The following KIAA1217 variants were observed in gnomAD, a reference collection of about 807,000 sequenced individuals.
KIAA1217 encodes the protein KIAA1217.
Under a neutral mutation model 163.9 loss-of-function variants are expected in KIAA1217, and 88 were observed. The ratio of observed to expected loss-of-function variants is 0.54; its 90% CI spans 0.45 to 0.64. KIAA1217 has a LOEUF of 0.64. KIAA1217 is among the 30% of genes least tolerant of loss of function. The pLI is 0.00. For missense variants in KIAA1217, 2,372 were observed against 2,475.0 expected (o/e 0.96, Z 0.88); for synonymous variants, 903 against 923.1 (o/e 0.98, Z 0.39).
At chr10:24,466,988 A>G (rs2063021098) in intron 5 of KIAA1217, among the ~76,000 whole-genome samples, 2 of 152,152 alleles carry the variant, frequency 1.3e-5, no homozygotes, top group Non-Finnish European at 2.9e-5. Flanking sequence ...AATGCTCCAC[A>G]GACATGATTA....
intron 6 of KIAA1217, among the ~76,000 whole-genome samples, chr10:24,491,026 A>T (rs1418921553): frequency 6.6e-6 from 1 of 152,162 alleles, no homozygotes; most frequent in Non-Finnish European, 1.5e-5. Flanking sequence ...AGCCTTAAAG[A>T]AGAATAGGAT....
At chr10:23,882,457 T>C (rs548606012) in intron 1 of KIAA1217, among the ~76,000 whole-genome samples, 3 of 152,024 alleles carry the variant, frequency 2.0e-5, no homozygotes, top group Admixed American at 6.6e-5. Flanking sequence ...CTAATATGTG[T>C]ACAGAATGGT....
At chr10:24,318,551 A>T (rs559947630) in intron 2 of KIAA1217, among the ~76,000 whole-genome samples, 1 of 150,448 alleles carries the variant, frequency 6.6e-6, no homozygotes, top group Non-Finnish European at 1.5e-5. Context: ...TAAAATCATC[A>T]CTCTCTCTCT....
At chr10:24,008,562 C>A (rs1847108386) in intron 2 of KIAA1217, among the ~76,000 whole-genome samples, 1 of 152,096 alleles carries the variant, frequency 6.6e-6, no homozygotes. Context: ...GGATTTTGTG[C>A]AGCTAGAAAG....
chr10:23,737,365 A>T (rs1033725524), intron 1 of KIAA1217, among the ~76,000 whole-genome samples: 5 of 149,654 alleles, frequency 3.3e-5, no homozygotes, highest in African/African-American at 1.0e-4. Flanking sequence ...TGCCTAGCTA[A>T]TTTTTTTTTA....
intron 3 of KIAA1217, among the ~76,000 whole-genome samples, chr10:24,384,679 G>A (rs1241515652): frequency 2.0e-5 from 3 of 152,080 alleles, no homozygotes; most frequent in Non-Finnish European, 1.5e-5. Flanking sequence ...TGGGACGCAG[G>A]TGCCTGCCAC....
intron 1 of KIAA1217, among the ~76,000 whole-genome samples, chr10:23,763,574 C>T (rs1834370081): frequency 6.6e-6 from 1 of 152,174 alleles, no homozygotes; most frequent in Non-Finnish European, 1.5e-5. Flanking sequence ...GGTCCCCTTC[C>T]TTACACCTTA....
intron 1 of KIAA1217, among the ~76,000 whole-genome samples, chr10:24,004,252 C>T (rs1460963597): frequency 2.0e-5 from 3 of 152,144 alleles, no homozygotes; most frequent in Non-Finnish European, 4.4e-5. Flanking sequence ...GCTGGGATTA[C>T]AGGCATGAAC....
intron 1 of KIAA1217, among the ~76,000 whole-genome samples, chr10:23,996,855 G>C (rs771384926): frequency 6.6e-6 from 1 of 152,074 alleles, no homozygotes; most frequent in Admixed American, 6.5e-5. Context: ...CTTGTATTGC[G>C]GAAACTCCAA....
At chr10:24,409,917 C>T (rs575726414) in intron 3 of KIAA1217, among the ~76,000 whole-genome samples, 9 of 152,028 alleles carry the variant, frequency 5.9e-5, no homozygotes, top group Admixed American at 1.3e-4. Context: ...CTGCAAATGC[C>T]ATTAATTTCT....
At chr10:23,842,881 A>T (rs1838852166) in intron 1 of KIAA1217, among the ~76,000 whole-genome samples, 2 of 152,166 alleles carry the variant, frequency 1.3e-5, no homozygotes, top group African/African-American at 4.8e-5. Context: ...TCTAAGTTTG[A>T]ACACTGATAT....
intron 10 of KIAA1217, among the ~76,000 whole-genome samples, chr10:24,519,880 C>A (rs1193286924): frequency 6.6e-6 from 1 of 152,112 alleles, no homozygotes; most frequent in Non-Finnish European, 1.5e-5. Flanking sequence ...GCACAATCGT[C>A]CCTTTGGCCA....
intron 2 of KIAA1217, among the ~76,000 whole-genome samples, chr10:24,007,812 A>G (rs1847066179): frequency 6.6e-6 from 1 of 152,156 alleles, no homozygotes; most frequent in South Asian, 2.1e-4. Context: ...ATCAGAAATA[A>G]GAGTTGTTTT....
chr10:24,377,845 G>C (rs1261517169), intron 2 of KIAA1217, among the ~76,000 whole-genome samples: 1 of 152,166 alleles, frequency 6.6e-6, no homozygotes, highest in East Asian at 1.9e-4. Context: ...GGAACCATTA[G>C]AATTGGTGTT....
chr10:23,992,962 C>T (rs950763595), intron 1 of KIAA1217, among the ~76,000 whole-genome samples: 9 of 149,914 alleles, frequency 6.0e-5, no homozygotes, highest in Non-Finnish European at 1.3e-4. Flanking sequence ...TTTTTCTTTG[C>T]TTATATGTCA....
intron 3 of KIAA1217, among the ~76,000 whole-genome samples, chr10:24,410,022 G>T: frequency 7.5e-6 from 1 of 133,440 alleles, no homozygotes; most frequent in Non-Finnish European, 1.6e-5. Flanking sequence ...TTTGAGACAG[G>T]GTCTCATTCT....
intron 2 of KIAA1217, among the ~76,000 whole-genome samples, chr10:24,335,092 A>G (rs1420661596): frequency 6.6e-6 from 1 of 152,234 alleles, no homozygotes; most frequent in Non-Finnish European, 1.5e-5. Context: ...AATGATACTA[A>G]TACATGCTAC....
At chr10:24,083,365 C>T (rs2061597975) in intron 2 of KIAA1217, among the ~76,000 whole-genome samples, 1 of 152,152 alleles carries the variant, frequency 6.6e-6, no homozygotes, top group South Asian at 2.1e-4. Context: ...AAGTTCAAAT[C>T]CAGGCCCTAA....
intron 1 of KIAA1217, among the ~76,000 whole-genome samples, chr10:23,799,673 A>G (rs892568821): frequency 3.9e-5 from 6 of 152,176 alleles, no homozygotes. Flanking sequence ...AACTGCCTCT[A>G]TAATTTGTAT....
Sources: allele counts gnomAD v4.1 joint callset (sites outside exome capture counted in the v4.1 genomes callset), GRCh38; gene constraint gnomAD v4.1.1; transcripts MANE v1.5; gene names NCBI Gene and HGNC (gene_info 2026-07-23, HGNC 2026-07-21).